TRIM37: variants seen among roughly 807,000 people sequenced by gnomAD.
The protein encoded by TRIM37 is tripartite motif containing 37.
In TRIM37, 80 loss-of-function variants were observed where a neutral mutation model predicts 129.8. The ratio of observed to expected loss-of-function variants is 0.62; its 90% CI spans 0.51 to 0.74. The LOEUF is 0.74. Ranked by LOEUF, TRIM37 falls within the 30% of genes least tolerant of loss-of-function variation. The pLI, the probability that TRIM37 is intolerant of heterozygous loss-of-function variation, is 0.00. For missense variants in TRIM37, 1,054 were observed against 1,176.5 expected (o/e 0.90, Z 1.52); for synonymous variants, 389 against 387.1 (o/e 1.00, Z -0.06).
chr17:59,009,265 T>C (rs2034937783), intron 22 of TRIM37, among the ~76,000 whole-genome samples: 1 of 151,880 alleles, frequency 6.6e-6, no homozygotes, highest in Non-Finnish European at 1.5e-5. Context: ...GTAGCTGGGA[T>C]TATAGGAGTG....
At chr17:59,089,319 A>G (rs1166531237) in intron 3 of TRIM37, among the ~76,000 whole-genome samples, 1 of 152,138 alleles carries the variant, frequency 6.6e-6, no homozygotes, top group Non-Finnish European at 1.5e-5. Context: ...CACTAGCCAC[A>G]TGTGACTCTT....
chr17:59,058,693 A>G (rs2041199232), intron 12 of TRIM37, among the ~76,000 whole-genome samples: 1 of 152,068 alleles, frequency 6.6e-6, no homozygotes, highest in Non-Finnish European at 1.5e-5. Flanking sequence ...CCCCGTCTCC[A>G]TAAAAACAAA....
chr17:59,054,119 G>A (rs1388387209), intron 13 of TRIM37, among the ~76,000 whole-genome samples: 1 of 152,148 alleles, frequency 6.6e-6, no homozygotes, highest in Non-Finnish European at 1.5e-5. Flanking sequence ...AAATTCAGGA[G>A]TACATTAAAT....
intron 4 of TRIM37, 35 bp from the exon 5 acceptor site, chr17:59,084,124 T>A: frequency 6.5e-7 from 1 of 1,541,032 alleles, no homozygotes. Flanking sequence ...AGTTATAAAT[T>A]AAATTGGAAC....
chr17:59,061,618 A>C (rs934151998), intron 11 of TRIM37, among the ~76,000 whole-genome samples: 1 of 152,162 alleles, frequency 6.6e-6, no homozygotes, highest in Non-Finnish European at 1.5e-5. Context: ...TTATTTTTAT[A>C]AAGATAATTA....
chr17:59,059,093 C>G (rs754459416), intron 12 of TRIM37: 2 of 151,556 alleles, frequency 1.3e-5, no homozygotes, highest in African/African-American at 2.4e-5. Flanking sequence ...AATTCTTGAC[C>G]GGGCACAGTG....
intron 19 of TRIM37, among the ~76,000 whole-genome samples, chr17:59,018,307 A>G (rs1423003704): frequency 1.3e-5 from 2 of 152,216 alleles, no homozygotes; most frequent in African/African-American, 4.8e-5. Flanking sequence ...CTGTGAGTTA[A>G]ATAAATCTCT....
At chr17:58,994,126 G>C (rs937897538), downstream of TRIM37, among the ~76,000 whole-genome samples, 1 of 152,120 alleles carries the variant, frequency 6.6e-6, no homozygotes, top group African/African-American at 2.4e-5. Flanking sequence ...GCTTCTGTCA[G>C]AGAAAGGCAT....
Position 59,051,308 on chromosome 17 carries a change from G to T in TRIM37, c.1220C>A (p.Thr407Asn), listed in dbSNP as rs2146197353. 1 of 1,613,062 alleles carries T rather than the reference G, an allele frequency of 6.2e-7. No individual in the cohort carries two copies. The highest frequency in any genetic ancestry group is 2.2e-5 in the East Asian group (1 of 44,804). ...CTGGTCCCGGGATTTTTGAAAGAAA[G>T]TTGGTGAACGTACCTGAAACCTTAA... ...VILRFQVRSPTFFQKSRDQHW... is the reference protein window; with the variant it reads ...VILRFQVRSPNFFQKSRDQHW... The change falls in exon 14 of 24, where the codon ACT (threonine) becomes AAT (asparagine). Residue 407 changes from threonine to asparagine, a missense_variant. Thr to Asn is a moderately conservative substitution (Grantham distance 65). Transcript: ENST00000262294.
chr17:59,088,559 G>A (rs959239458), intron 3 of TRIM37, 152 bp from the exon 4 acceptor site: 4 of 653,788 alleles, frequency 6.1e-6, no homozygotes, highest in Non-Finnish European at 1.1e-5. Context: ...ATGACCCAGG[G>A]TGGAATGCAG....
At chr17:59,042,623 C>T (rs761711799) in intron 16 of TRIM37, among the ~76,000 whole-genome samples, 5 of 150,538 alleles carry the variant, frequency 3.3e-5, no homozygotes, top group African/African-American at 4.9e-5. Context: ...ATTAGCTGGG[C>T]GTTGTGGTGG....
intron 23 of TRIM37, 95 bp downstream of exon 23, chr17:59,001,503 C>T (rs890686967): frequency 4.0e-6 from 6 of 1,489,762 alleles, no homozygotes; most frequent in South Asian, 2.4e-5. Context: ...AGCAGTAGAG[C>T]GGAAAAAGTA....
chr17:59,081,957 A>T (rs1401453011), intron 5 of TRIM37, among the ~76,000 whole-genome samples: 99 of 126,478 alleles, frequency 7.8e-4, no homozygotes, highest in Admixed American at 4.2e-3. Context: ...AAAAAATAAA[A>T]AAAAAAAAAT....
intron 6 of TRIM37, 23 bp from the exon 7 acceptor site, chr17:59,079,900 T>C: frequency 6.2e-7 from 1 of 1,611,520 alleles, no homozygotes; most frequent in Non-Finnish European, 8.5e-7. Flanking sequence ...GAGGTAAGAA[T>C]AATTTTAATT....
Position 59,015,606 on chromosome 17 carries a change from T to C in TRIM37, c.2576+4A>G. 1.2e-6 allele frequency: 2 copies of C among 1,613,942 alleles called. No individual in the cohort carries two copies. The highest frequency in any genetic ancestry group is 1.7e-6 in the Non-Finnish European group (2 of 1,179,976). ...CATTACATATACAAAACAACTTAAT[T>C]TACCCCAAGGTGACCATTTTCCTCC... On this transcript the variant is annotated splice_donor_region_variant and intron_variant, in intron 21 of 23. Transcript: ENST00000262294.
At chr17:59,059,077 A>G (rs1364747628) in intron 12 of TRIM37, 1 of 152,084 alleles carries the variant, frequency 6.6e-6, no homozygotes, top group Non-Finnish European at 1.5e-5. Context: ...TCCAAAATAT[A>G]TAAAGAATTC....
chr17:59,022,403 A>G (rs779014129), intron 19 of TRIM37, among the ~76,000 whole-genome samples: 1 of 152,256 alleles, frequency 6.6e-6, no homozygotes, highest in Non-Finnish European at 1.5e-5. Context: ...ATCATTTGAT[A>G]TAATTCTACA....
At chr17:59,020,421 G>A (rs1446776617) in intron 19 of TRIM37, among the ~76,000 whole-genome samples, 1 of 151,364 alleles carries the variant, frequency 6.6e-6, no homozygotes, top group Non-Finnish European at 1.5e-5. Flanking sequence ...AATAAAATAA[G>A]TGAAAAAGAA....
intron 8 of TRIM37, among the ~76,000 whole-genome samples, chr17:59,071,389 G>A (rs908387513): frequency 6.6e-6 from 1 of 150,790 alleles, no homozygotes; most frequent in South Asian, 2.1e-4. Context: ...GGGTTCAAGC[G>A]ATTCTCCTGC....
Sources: allele counts gnomAD v4.1 joint callset (sites outside exome capture counted in the v4.1 genomes callset), GRCh38; gene constraint gnomAD v4.1.1; transcripts MANE v1.5; gene names NCBI Gene and HGNC (gene_info 2026-07-23, HGNC 2026-07-21).